The following NRG1 variants were observed in gnomAD, a reference collection of about 807,000 sequenced individuals.
The protein encoded by NRG1 is neuregulin 1, also known as pro-neuregulin-1, membrane-bound isoform.
Under a neutral mutation model 63.8 loss-of-function variants are expected in NRG1, and 18 were observed. The ratio of observed to expected loss-of-function variants is 0.28; its 90% confidence interval spans 0.19 to 0.42. The LOEUF (loss-of-function observed/expected upper bound fraction) is 0.42, where lower values mean the gene tolerates loss of function less well. Ranked by LOEUF, NRG1 falls within the 10% of genes least tolerant of loss-of-function variation. NRG1 has a pLI of 1.00. For missense variants in NRG1, 762 were observed against 814.7 expected (o/e 0.94, Z 0.79); for synonymous variants, 302 against 301.3 (o/e 1.00, Z -0.02).
chr8:32,548,733 G>A, exon 1 of NRG1: 2 of 1,583,250 alleles, frequency 1.3e-6, no homozygotes, highest in Non-Finnish European at 8.6e-7. Flanking sequence ...CGAGATGTCC[G>A]AGCGCAAAGA....
At chr8:32,615,630 C>G (rs1462613112) in intron 4 of NRG1, among the ~76,000 whole-genome samples, 6 of 151,956 alleles carry the variant, frequency 3.9e-5, no homozygotes, top group Admixed American at 3.3e-4. Flanking sequence ...ATAGAATGAC[C>G]TATAATCAAC....
chr8:32,763,252 G>T (rs1466015735), intron 11 of NRG1: 1 of 1,613,780 alleles, frequency 6.2e-7, no homozygotes, highest in African/African-American at 1.3e-5. Context: ...GAGAAACAAG[G>T]CACACAGATC....
chr8:31,639,748 G>C (rs1803546429), intron 1 of NRG1: 2 of 1,357,776 alleles, frequency 1.5e-6, no homozygotes, highest in African/African-American at 1.6e-5. Context: ...TTTCTATTTT[G>C]CCTTTTTTTT....
chr8:32,067,067 A>G (rs899896874), intron 1 of NRG1, among the ~76,000 whole-genome samples: 7 of 152,288 alleles, frequency 4.6e-5, no homozygotes, highest in African/African-American at 1.4e-4. Flanking sequence ...GAAGTTGCCT[A>G]TTAGCTTAAG....
chr8:32,701,090 T>C (rs951445525), intron 5 of NRG1, among the ~76,000 whole-genome samples: 1 of 152,190 alleles, frequency 6.6e-6, no homozygotes, highest in Non-Finnish European at 1.5e-5. Flanking sequence ...TTTGGAACTT[T>C]CCAGAAGTCG....
chr8:32,621,147 T>C (rs1404244942), intron 5 of NRG1, among the ~76,000 whole-genome samples: 1 of 152,190 alleles, frequency 6.6e-6, no homozygotes, highest in Non-Finnish European at 1.5e-5. Flanking sequence ...TTTTTACTAC[T>C]CAATTTTTGG....
chr8:31,786,195 T>C (rs1820151097), intron 1 of NRG1, among the ~76,000 whole-genome samples: 1 of 152,230 alleles, frequency 6.6e-6, no homozygotes, highest in African/African-American at 2.4e-5. Flanking sequence ...GTTTCGATTC[T>C]GACTTAAGAG....
intron 1 of NRG1, among the ~76,000 whole-genome samples, chr8:31,991,450 C>G (rs1216025426): frequency 1.3e-5 from 2 of 150,894 alleles, no homozygotes; most frequent in East Asian, 3.9e-4. Context: ...ATTTCAGTGA[C>G]CAGTTAGTGA....
At chr8:32,389,387 G>A (rs754918748) in intron 1 of NRG1, among the ~76,000 whole-genome samples, 3 of 152,166 alleles carry the variant, frequency 2.0e-5, no homozygotes, top group Non-Finnish European at 2.9e-5. Context: ...CCTAGTCGCA[G>A]GTCTTGTAGA....
chr8:32,687,947 G>A (rs1381074997), intron 5 of NRG1, among the ~76,000 whole-genome samples: 3 of 152,122 alleles, frequency 2.0e-5, no homozygotes, highest in African/African-American at 7.2e-5. Flanking sequence ...ACCCCCATGA[G>A]CTAGTCACCT....
At chr8:31,903,147 A>AATTTT (rs2129615578) in intron 1 of NRG1, among the ~76,000 whole-genome samples, 1 of 84,264 alleles carries the variant, frequency 1.2e-5, no homozygotes, top group Non-Finnish European at 2.3e-5. Context: ...AGAGCCTTCA[A>AATTTT]CTTTTTTTTT....
intron 5 of NRG1, among the ~76,000 whole-genome samples, chr8:32,711,428 A>T (rs1817783948): frequency 6.6e-6 from 1 of 152,170 alleles, no homozygotes; most frequent in Non-Finnish European, 1.5e-5. Flanking sequence ...CTCCAAAAAA[A>T]GGGAACCAGG....
At chr8:31,850,587 G>A (rs943722532) in intron 1 of NRG1, among the ~76,000 whole-genome samples, 5 of 152,084 alleles carry the variant, frequency 3.3e-5, no homozygotes, top group African/African-American at 1.2e-4. Context: ...TTTCTTGCCT[G>A]TCCTCCCTGC....
At chr8:32,760,765 C>G in intron 11 of NRG1, 9 of 1,026,286 alleles carry the variant, frequency 8.8e-6, no homozygotes, top group Non-Finnish European at 1.1e-5. Context: ...TGATAAGGAC[C>G]CTTCTATAAT....
intron 1 of NRG1, among the ~76,000 whole-genome samples, chr8:32,163,147 A>G (rs1839022899): frequency 6.6e-6 from 1 of 152,210 alleles, no homozygotes. Context: ...CGAGACAGGA[A>G]GGGAACCCTT....
intron 1 of NRG1, among the ~76,000 whole-genome samples, chr8:32,385,069 G>T (rs893110511): frequency 6.6e-6 from 1 of 152,200 alleles, no homozygotes; most frequent in Admixed American, 6.5e-5. Context: ...ACCCAGGCTG[G>T]AGTGCGGTGG....
rs184425897 is a variant in NRG1 at position 32,669,998 on chromosome 8, G to A, written c.502+53113G>A. 1.1e-3 allele frequency among the ~76,000 whole-genome samples: 164 copies of A among 152,214 alleles called. 5 individuals are homozygous for A. In the East Asian group the frequency reaches 0.027, roughly 25 times the overall value. On this transcript the variant is annotated intron_variant, in intron 5 of 11. Coordinates refer to ENST00000356819, the Ensembl canonical transcript of NRG1. ...GATGTCTAGATGAACATTCAATTTCGTATCTTGCCATTTAAAATTTAACAT... is the reference window on the plus strand; with the variant it reads ...GATGTCTAGATGAACATTCAATTTCATATCTTGCCATTTAAAATTTAACAT...
At position 31,912,169 on chromosome 8, in the gene NRG1, G is replaced by T. The variant is rs1206532802; in HGVS notation, c.37+272738G>T. The stretch of plus-strand genomic sequence containing the variant: ...ATTGGGAGTAAGCACAGGGCCAAAT[G>T]CAATCATGTATAGAAAAGCATTCCG... On this transcript the variant is annotated intron_variant, in intron 1 of 10. Coordinates refer to the NRG1 transcript ENST00000519301. 2.0e-5 allele frequency among the ~76,000 whole-genome samples: 3 copies of T among 152,158 alleles called. No individual in the cohort carries two copies. In the East Asian group the frequency reaches 5.8e-4, roughly 29 times the overall value.
At chr8:32,168,206 G>T (rs551272688) in intron 1 of NRG1, among the ~76,000 whole-genome samples, 43 of 152,284 alleles carry the variant, frequency 2.8e-4, no homozygotes, top group African/African-American at 9.4e-4. Flanking sequence ...GGAAGAAGCA[G>T]ATCTCAAATG....
Sources: allele counts gnomAD v4.1 joint callset (sites outside exome capture counted in the v4.1 genomes callset), GRCh38; gene constraint gnomAD v4.1.1; transcripts MANE v1.5; gene names NCBI Gene and HGNC (gene_info 2026-07-23, HGNC 2026-07-21).